Variants in PANK3 observed in about 807,000 individuals in gnomAD.
PANK3 encodes the protein pantothenate kinase 3.
A neutral mutation model predicts 39.4 loss-of-function variants in PANK3; 20 were observed. The ratio of observed to expected loss-of-function variants is 0.51; its 90% confidence interval spans 0.36 to 0.74. The LOEUF is 0.74. Among genes scored for constraint, PANK3 ranks in the 30% least tolerant of loss-of-function variants. PANK3 has a pLI of 0.00. For synonymous variants in PANK3, 140 were observed against 157.3 expected, an observed-to-expected ratio of 0.89 and a Z score of 0.82; for missense variants, 265 against 437.0, an observed-to-expected ratio of 0.61 and a Z score of 3.51.
Position 168,569,022 on chromosome 5 carries a change from A to AT in PANK3, c.29-25_29-24insA, listed in dbSNP as rs1200735931. 4.4e-5 allele frequency: 16 copies of AT among 361,140 alleles called. No individual in the cohort carries two copies. In the African/African-American group the frequency reaches 4.7e-4, roughly 11 times the overall value. 22.4% of individuals were successfully genotyped at this position (361,140 alleles called of 1,614,324 possible). On this transcript the variant is annotated intron_variant, in intron 1 of 6. Coordinates refer to ENST00000239231, the MANE Select transcript of PANK3 (RefSeq NM_024594.4). ...AGCTATGGGAGGAAAAAAAAAAAAA[A>AT]AAAAAAAAATATATATATATATATA...
intron 1 of PANK3, among the ~76,000 whole-genome samples, chr5:168,570,418 A>G (rs1039864066): frequency 6.6e-6 from 1 of 151,792 alleles, no homozygotes; most frequent in Non-Finnish European, 1.5e-5. Context: ...GAAAGAAAGA[A>G]AGAAAATCAT....
intron 3 of PANK3, among the ~76,000 whole-genome samples, chr5:168,564,432 A>T (rs896711821): frequency 6.6e-6 from 1 of 152,100 alleles, no homozygotes; most frequent in Admixed American, 6.6e-5. Context: ...ACAAAGAGAA[A>T]ATCTGTAATT....
At chr5:168,565,408 A>G (rs572507376) in intron 3 of PANK3, among the ~76,000 whole-genome samples, 1 of 152,330 alleles carries the variant, frequency 6.6e-6, no homozygotes, top group African/African-American at 2.4e-5. Context: ...AATTCATCCT[A>G]TAAGAATAAA....
chr5:168,568,619 T>C (rs1229363397), intron 2 of PANK3, 27 bp downstream of exon 2: 6 of 1,499,754 alleles, frequency 4.0e-6, no homozygotes, highest in East Asian at 4.5e-5. Flanking sequence ...AGGTATCAAT[T>C]TTCAGTTTTG....
At chr5:168,561,701 G>T (rs1322482509) in intron 4 of PANK3, among the ~76,000 whole-genome samples, 185 bp from the exon 5 acceptor site, 1 of 151,920 alleles carries the variant, frequency 6.6e-6, no homozygotes, top group African/African-American at 2.4e-5. Flanking sequence ...ACCTTTCAAA[G>T]AATTAAGGTT....
chr5:168,567,868 C>T (rs568681748), intron 2 of PANK3, among the ~76,000 whole-genome samples: 37 of 152,302 alleles, frequency 2.4e-4, no homozygotes, highest in African/African-American at 8.7e-4. Flanking sequence ...GATCCTCCCA[C>T]GTCAGCCTTT....
chr5:168,561,590 C>G, intron 4 of PANK3, 74 bp from the exon 5 acceptor site: 1 of 1,242,620 alleles, frequency 8.0e-7, no homozygotes, highest in African/African-American at 1.5e-5. Context: ...GATATATCTA[C>G]AACCTGGATA....
At position 168,568,810 on chromosome 5, in the gene PANK3, A is replaced by C; in HGVS notation, c.217T>G (p.Leu73Val). ...IRDVHLELKD[L>V]TLFGRRGNLH... is the part of the protein sequence containing the mutation. ...TTCCCTCTTCGGCCAAAAAGTGTTA[A>C]ATCTTTCAGTTCAAGGTGTACATCC... Residue 73 changes from leucine to valine, a missense_variant, in exon 2 of 7, where the codon TTA (leucine) becomes GTA (valine). Physicochemically the swap from Leu to Val is conservative, Grantham distance 32. This residue lies in a region of PANK3 where 154 missense variants were observed against 256.8 expected (regional missense o/e 0.60). Transcript: ENST00000239231. 6.2e-7 allele frequency: 1 copy of C among 1,613,966 alleles called. No homozygotes were observed. The highest frequency in any genetic ancestry group is 8.5e-7 in the Non-Finnish European group (1 of 1,179,996).
rs868005543 is a variant in PANK3 at position 168,553,012 on chromosome 5, T to A, written c.*4559A>T. On this transcript the variant is annotated 3_prime_UTR_variant, in exon 7 of 7. Coordinates refer to ENST00000239231, the MANE Select transcript of PANK3 (RefSeq NM_024594.4). Reference sequence around the variant, plus strand: ...CATCCTAGCACTCTTATCTCCTAGATGTCCTGGGACACATCCTGAGTCCCC... The same window carrying A: ...CATCCTAGCACTCTTATCTCCTAGAAGTCCTGGGACACATCCTGAGTCCCC... The A allele has an allele frequency of 6.2e-5, 18 of 289,254 alleles. No homozygotes were observed. The highest frequency in any genetic ancestry group is 5.2e-4 in the Admixed American group (12 of 22,934). 17.9% of individuals were successfully genotyped at this position (289,254 alleles called of 1,614,324 possible).
intron 4 of PANK3, among the ~76,000 whole-genome samples, chr5:168,562,116 C>A (rs912123562): frequency 6.6e-6 from 1 of 152,164 alleles, no homozygotes; most frequent in African/African-American, 2.4e-5. Context: ...AAGCCAAGTG[C>A]CTTACGTGGC....
Position 168,568,666 on chromosome 5 carries a change from A to G in PANK3, c.361T>C (p.Phe121Leu). ...CCTACTGTGCGAAAATCTTTTTCAA[A>G]CTTGTAAGCACCACCTCCTGTAGCA... is the stretch of plus-strand genomic sequence containing the variant. ...LCATGGGAYK[F>L]EKDFRTIGNL... Residue 121 changes from phenylalanine to leucine, a missense_variant, in exon 2 of 7, where the codon TTT (phenylalanine) becomes CTT (leucine). Phe to Leu is a conservative substitution (Grantham distance 22, BLOSUM62 0). Around this residue, in one of 3 missense-constraint regions of PANK3, gnomAD observed 154 missense variants for 256.8 expected, o/e 0.60. Coordinates refer to ENST00000239231, the MANE Select transcript of PANK3 (RefSeq NM_024594.4). 1 of 1,604,342 alleles carries G rather than the reference A, an allele frequency of 6.2e-7. No individual in the cohort carries two copies. The highest frequency in any genetic ancestry group is 1.3e-5 in the African/African-American group (1 of 74,392).
Position 168,551,032 on chromosome 5 carries a change from G to A in PANK3, c.*6539C>T, listed in dbSNP as rs1379537337. On this transcript the variant is annotated 3_prime_UTR_variant, in exon 7 of 7. Coordinates refer to ENST00000239231, the MANE Select transcript of PANK3 (RefSeq NM_024594.4). ...AATTTAGATATGTCAGAAAAGCTGG[G>A]ATGATTGATTTTCACACCACCATTA... 2.0e-5 allele frequency: 3 copies of A among 152,160 alleles called. No homozygotes were observed. Among genetic ancestry groups the A allele is most frequent in the Non-Finnish European group, 4.4e-5 (3 of 68,010 alleles). The allele number at this position is 152,160 out of a possible 1,614,324, so 9.4% of individuals were successfully genotyped here. A position where few individuals can be genotyped will look rare whatever the true frequency, so the allele number is the denominator to read the frequency against.
chr5:168,579,083 G>T (rs1316557144), intron 1 of PANK3, among the ~76,000 whole-genome samples, 173 bp downstream of exon 1: 4 of 152,210 alleles, frequency 2.6e-5, no homozygotes, highest in Non-Finnish European at 1.5e-5. Context: ...TGAATAGGGG[G>T]ATGGGGAGGA....
rs77979829 is a variant in PANK3 at position 168,578,824 on chromosome 5, C to T, written c.28+432G>A. The T allele has an allele frequency of 5.7e-3, 935 of 162,634 alleles. 12 individuals carry two copies. The highest frequency in any genetic ancestry group is 0.021 in the African/African-American group (883 of 42,040). The allele number at this position is 162,634 out of a possible 1,614,324, so 10.1% of individuals were successfully genotyped here. ...TCCAACTGTAACAACAGTGACAACT[C>T]CCAGGAACCCACCGGCATTTCAAGG... On this transcript the variant is annotated intron_variant, in intron 1 of 6. Transcript: ENST00000239231.
In PANK3 at chr5:168,559,115, T is replaced by C; in HGVS notation, c.979A>G (p.Asn327Asp). 1 of 1,593,974 alleles carries C rather than the reference T, an allele frequency of 6.3e-7. No homozygotes were observed. The highest frequency in any genetic ancestry group is 8.6e-7 in the Non-Finnish European group (1 of 1,166,376). The part of the protein sequence containing the change: ...VVFVGNFLRV[N>D]TLSMKLLAYA... ...GCCAAAAGTTTCATTGAGAGGGTAT[T>C]GACACGTAAAAAGTTTCCAACAAAG... Residue 327 changes from asparagine (N) to aspartate (D), a missense_variant, in exon 6 of 7, where the codon AAT becomes GAT. Asn to Asp is a conservative substitution (Grantham distance 23). This residue lies in a region of PANK3 where 110 missense variants were observed against 161.2 expected (regional missense o/e 0.68). Coordinates refer to ENST00000239231, the MANE Select transcript of PANK3 (RefSeq NM_024594.4).
intron 1 of PANK3, among the ~76,000 whole-genome samples, chr5:168,577,279 G>A (rs1759745509): frequency 2.0e-5 from 3 of 152,058 alleles, no homozygotes; most frequent in African/African-American, 7.2e-5. Context: ...AGACAGTAAA[G>A]TTACCTTTTA....
chr5:168,558,327 A>AT (rs888873067), intron 6 of PANK3, among the ~76,000 whole-genome samples: 10 of 150,692 alleles, frequency 6.6e-5, no homozygotes, highest in Non-Finnish European at 1.3e-4. Flanking sequence ...CGCCCGGCTA[A>AT]TTTTTTTTTG....
At chr5:168,569,180 G>GA (rs1365052698) in intron 1 of PANK3, among the ~76,000 whole-genome samples, 182 bp from the exon 2 acceptor site, 3 of 115,940 alleles carry the variant, frequency 2.6e-5, no homozygotes, top group Non-Finnish European at 5.2e-5. Flanking sequence ...TCCCTTCAAA[G>GA]TTTTTTTTTT....
intron 5 of PANK3, among the ~76,000 whole-genome samples, chr5:168,559,698 A>T (rs950088085): frequency 1.3e-5 from 2 of 148,268 alleles, no homozygotes; most frequent in African/African-American, 2.5e-5. Flanking sequence ...TGATGTGATT[A>T]AAAAAAAAAA....
Sources: gnomAD v4.1 joint callset for allele counts (sites outside exome capture counted in the v4.1 genomes callset) on GRCh38, gnomAD v4.1.1 for gene constraint, gnomAD v4.1.1 regional missense constraint, MANE v1.5 for transcripts, NCBI Gene and HGNC (gene_info 2026-07-23, HGNC 2026-07-21) for gene names.